BARX2: variants seen among roughly 807,000 people sequenced by gnomAD.
BARX2 encodes the protein homeobox protein BarH-like 2.
In BARX2, 11 loss-of-function variants were observed where a neutral mutation model predicts 25.5. The ratio of observed to expected loss-of-function variants is 0.43; its 90% CI spans 0.27 to 0.71. The LOEUF is 0.71. BARX2 is among the 30% of genes least tolerant of loss of function. The probability of loss-of-function intolerance (pLI) is 0.19; values close to 1 mark genes in which losing one functional copy is unlikely to be tolerated. For synonymous variants in BARX2, 137 were observed against 149.5 expected, an observed-to-expected ratio of 0.92 and a Z score of 0.61; for missense variants, 360 against 359.9, an observed-to-expected ratio of 1.00 and a Z score of 0.00.
At chr11:129,432,415 A>G (rs918791595) in intron 1 of BARX2, among the ~76,000 whole-genome samples, 9 of 152,232 alleles carry the variant, frequency 5.9e-5, no homozygotes, top group African/African-American at 1.9e-4. Context: ...TTCTTTTAAA[A>G]GAATGAATGT....
chr11:129,451,318 T>TG lies in BARX2; in HGVS notation c.757dup (p.Asp253GlyfsTer30). On this transcript the variant is annotated frameshift_variant, in exon 4 of 4. Coordinates refer to ENST00000281437, the MANE Select transcript of BARX2 (RefSeq NM_003658.5). LOFTEE classifies it high-confidence loss of function. ...GTGAAGCACAGGAACCGAAAGCACGTGATGTCCCCTTAGAGATGGCAGAGC... is the reference window on the plus strand; with the variant it reads ...GTGAAGCACAGGAACCGAAAGCACGTGGATGTCCCCTTAGAGATGGCAGAGC... 6.2e-7 allele frequency: 1 copy of TG among 1,614,044 alleles called. No homozygotes were observed.
At chr11:129,416,882 T>G (rs1861949697) in intron 1 of BARX2, among the ~76,000 whole-genome samples, 1 of 151,404 alleles carries the variant, frequency 6.6e-6, no homozygotes, top group East Asian at 1.9e-4. Context: ...TTTGTTTTTT[T>G]TTTTTTTTAA....
chr11:129,441,164 G>T (rs745690255), intron 2 of BARX2, among the ~76,000 whole-genome samples: 6 of 152,110 alleles, frequency 3.9e-5, no homozygotes, highest in Non-Finnish European at 8.8e-5. Context: ...TGTCCCACCC[G>T]GTTGTTTGCT....
chr11:129,410,919 T>A (rs1441499035), intron 1 of BARX2, among the ~76,000 whole-genome samples: 1 of 152,218 alleles, frequency 6.6e-6, no homozygotes, highest in African/African-American at 2.4e-5. Flanking sequence ...CTCCTCACAG[T>A]ATACACGGTG....
At chr11:129,375,778 G>C (rs1046148609), upstream of BARX2, among the ~76,000 whole-genome samples, 1 of 152,058 alleles carries the variant, frequency 6.6e-6, no homozygotes, top group Non-Finnish European at 1.5e-5. This position sits in a 1 kb window ranked among gnomAD's most constrained non-coding sequence, Gnocchi z 4.0. Flanking sequence ...CTCCGCACCC[G>C]GCCCTGCAGG....
At chr11:129,383,549 T>C (rs890609580) in intron 1 of BARX2, among the ~76,000 whole-genome samples, 4 of 152,176 alleles carry the variant, frequency 2.6e-5, no homozygotes, top group Non-Finnish European at 4.4e-5. Context: ...TTAGGTGATG[T>C]TCAAGTACAT....
intron 1 of BARX2, among the ~76,000 whole-genome samples, chr11:129,417,376 T>G: frequency 6.6e-6 from 1 of 152,156 alleles, no homozygotes; most frequent in Non-Finnish European, 1.5e-5. Flanking sequence ...ATTTCTTATC[T>G]CCTGCTCTCA....
chr11:129,422,369 G>A (rs1016358651), intron 1 of BARX2, among the ~76,000 whole-genome samples: 25 of 148,568 alleles, frequency 1.7e-4, no homozygotes, highest in African/African-American at 5.6e-4. Flanking sequence ...TGCAATCGTA[G>A]CTCACTGCCT....
intron 1 of BARX2, among the ~76,000 whole-genome samples, chr11:129,392,940 AG>A (rs1319228948): frequency 6.6e-6 from 1 of 152,066 alleles, no homozygotes; most frequent in Non-Finnish European, 1.5e-5. Context: ...CAGTCATATG[AG>A]GAGATACTAT....
chr11:129,375,593 G>T (rs563678751), upstream of BARX2, among the ~76,000 whole-genome samples: 1 of 152,072 alleles, frequency 6.6e-6, no homozygotes, highest in African/African-American at 2.4e-5. The surrounding 1 kb of genome is among the most constrained non-coding windows in gnomAD (Gnocchi z 4.0). Context: ...GTCCCGGGGG[G>T]GAGGGGGAGG....
intron 1 of BARX2, among the ~76,000 whole-genome samples, chr11:129,407,565 A>T (rs1861844145): frequency 2.0e-5 from 3 of 152,110 alleles, no homozygotes; most frequent in Non-Finnish European, 4.4e-5. Context: ...ACTCATCCCC[A>T]CTTCACAGAC....
In BARX2 at chr11:129,451,493, C is replaced by T; in HGVS notation, c.*91C>T. 7.0e-7 allele frequency: 1 copy of T among 1,433,154 alleles called. No individual in the cohort carries two copies. Among genetic ancestry groups the T allele is most frequent in the Admixed American group, 2.2e-5 (1 of 45,032 alleles). 88.8% of individuals were successfully genotyped at this position (1,433,154 alleles called of 1,614,324 possible). On this transcript the variant is annotated 3_prime_UTR_variant, in exon 4 of 4. Coordinates refer to ENST00000281437, the MANE Select transcript of BARX2 (RefSeq NM_003658.5). ...AGGGAGAGAAAACCTTCCAGCAGCC[C>T]AGTAAACTGCGGGCGAAGAGATCTA...
At chr11:129,415,101 T>C (rs1591437889) in intron 1 of BARX2, among the ~76,000 whole-genome samples, 1 of 150,332 alleles carries the variant, frequency 6.7e-6, no homozygotes, top group Non-Finnish European at 1.5e-5. Flanking sequence ...TCCTCTCCTT[T>C]CCCCCCATTA....
chr11:129,437,190 A>G lies in BARX2; in HGVS notation c.488+139A>G, dbSNP rs74702412. On this transcript the variant is annotated intron_variant, in intron 2 of 3. Coordinates refer to ENST00000281437, the MANE Select transcript of BARX2 (RefSeq NM_003658.5). Reference sequence around the variant, plus strand: ...CGGAGTCCACTCCTTGGCTCAAATCATCTCAACCTTGGTTAACAGAACCCA... The same window carrying G: ...CGGAGTCCACTCCTTGGCTCAAATCGTCTCAACCTTGGTTAACAGAACCCA... 3.7e-4 allele frequency: 376 copies of G among 1,009,190 alleles called. 1 individual carries two copies. In the African/African-American group the frequency reaches 5.4e-3, roughly 14 times the overall value. The allele number at this position is 1,009,190 out of a possible 1,614,324, so 62.5% of individuals were successfully genotyped here.
chr11:129,435,666 G>A lies in BARX2; in HGVS notation c.188-1085G>A, dbSNP rs114641427. 5.7e-3 allele frequency among the ~76,000 whole-genome samples: 867 copies of A among 152,296 alleles called. 6 individuals carry two copies. Among genetic ancestry groups the A allele is most frequent in the African/African-American group, 0.019 (789 of 41,566 alleles). ...CCTTTCGTGGCATCAGTATATTAGA[G>A]TTTGAAGGATTCTTTAGAATCAGCT... is the stretch of plus-strand genomic sequence containing the variant. On this transcript the variant is annotated intron_variant, in intron 1 of 3. Transcript: ENST00000281437.
chr11:129,438,245 C>G (rs1296680024), intron 2 of BARX2: 2 of 150,668 alleles, frequency 1.3e-5, no homozygotes, highest in African/African-American at 4.9e-5. Flanking sequence ...TTGCTTGAAC[C>G]CAGGAGGTGG....
At chr11:129,409,030 C>T (rs1229244626) in intron 1 of BARX2, among the ~76,000 whole-genome samples, 1 of 151,734 alleles carries the variant, frequency 6.6e-6, no homozygotes, top group Non-Finnish European at 1.5e-5. Context: ...TCTAGAATAA[C>T]TTAGACCTTG....
Position 129,451,154 on chromosome 11 carries a change from G to A in BARX2, c.592G>A (p.Glu198Lys). The change falls in exon 4 of 4, where the codon GAA (glutamate) becomes AAA (lysine). Residue 198 changes from glutamate to lysine, a missense_variant. By Grantham distance (56) the Glu-to-Lys change is moderately conservative (BLOSUM62 1). This residue lies in a region of BARX2 where 114 missense variants were observed against 109.4 expected (regional missense o/e 1.04). Coordinates refer to ENST00000281437, the MANE Select transcript of BARX2 (RefSeq NM_003658.5). ...WKKMVLKGGQ[E>K]APTKPKGRPK... The stretch of plus-strand genomic sequence containing the variant: ...CACGTAGGTTCTTAAAGGTGGACAG[G>A]AAGCACCCACAAAACCCAAAGGTCG... 2 of 1,613,976 alleles carry A rather than the reference G, an allele frequency of 1.2e-6. No individual in the cohort carries two copies. Among genetic ancestry groups the A allele is most frequent in the Non-Finnish European group, 8.5e-7 (1 of 1,179,952 alleles).
intron 1 of BARX2, among the ~76,000 whole-genome samples, chr11:129,425,089 C>T (rs551881401): frequency 1.8e-4 from 27 of 152,252 alleles, no homozygotes; most frequent in Middle Eastern, 3.4e-3. Flanking sequence ...ACAGAAGCTT[C>T]GAAATATGAC....
Sources: allele counts gnomAD v4.1 joint callset (sites outside exome capture counted in the v4.1 genomes callset), GRCh38; gene constraint gnomAD v4.1.1; regional missense constraint gnomAD v4.1.1; non-coding constraint Gnocchi (gnomAD v3.1); transcripts MANE v1.5; gene names NCBI Gene and HGNC (gene_info 2026-07-23, HGNC 2026-07-21).